Variants in MACROD2 observed in about 807,000 individuals in gnomAD.
The protein encoded by MACROD2 is ADP-ribose glycohydrolase MACROD2.
MACROD2 carries 36 observed loss-of-function variants against 70.4 expected under a neutral mutation model. The ratio of observed to expected loss-of-function variants is 0.51; its 90% confidence interval spans 0.39 to 0.68. The LOEUF is 0.68. Among genes scored for constraint, MACROD2 ranks in the 30% least tolerant of loss-of-function variants. The probability of loss-of-function intolerance (pLI) is 0.00; values close to 1 mark genes in which losing one functional copy is unlikely to be tolerated. For missense variants in MACROD2, 496 were observed against 538.4 expected (o/e 0.92, Z 0.78); for synonymous variants, 172 against 178.8 (o/e 0.96, Z 0.30).
chr20:14,996,798 G>A (rs1452134333), intron 5 of MACROD2, among the ~76,000 whole-genome samples: 2 of 152,282 alleles, frequency 1.3e-5, no homozygotes, highest in East Asian at 1.9e-4. Context: ...TGGAGGGAGC[G>A]TTTAGATCAG....
chr20:15,904,874 C>G (rs1463821595), intron 10 of MACROD2, among the ~76,000 whole-genome samples: 2 of 123,230 alleles, frequency 1.6e-5, no homozygotes, highest in Non-Finnish European at 3.2e-5. Flanking sequence ...GAGAGAGACT[C>G]TGTCTCAAAA....
chr20:15,430,919 T>C (rs1465109650), intron 6 of MACROD2, among the ~76,000 whole-genome samples: 1 of 152,022 alleles, frequency 6.6e-6, no homozygotes, highest in African/African-American at 2.4e-5. Context: ...TGAATGTTAA[T>C]TGATGTTTTC....
At chr20:15,778,431 A>G (rs1033082962) in intron 8 of MACROD2, among the ~76,000 whole-genome samples, 6 of 152,106 alleles carry the variant, frequency 3.9e-5, no homozygotes, top group African/African-American at 1.4e-4. Flanking sequence ...TTTAAATTCT[A>G]TTCATAAGCG....
rs2054067420 is a variant in MACROD2, at chr20:14,085,629, A to C, written c.172A>C (p.Thr58Pro). The C allele has an allele frequency of 6.4e-7, 1 of 1,554,684 alleles. No individual in the cohort carries two copies. The highest frequency in any genetic ancestry group is 2.3e-5 in the East Asian group (1 of 43,630). Residue 58 changes from threonine to proline, a missense_variant, in exon 3 of 18, where the codon ACT (threonine) becomes CCT (proline). By Grantham distance (38) the Thr-to-Pro change is conservative. Transcript: ENST00000684519. ...KGKGQNDEEN[T>P]QETSQVKKSL... Reference sequence around the variant, plus strand: ...TCCATTTTCTATTACAGAAGAAAATACTCAGGAAACATCCCAGGTGAAGAA... The same window carrying C: ...TCCATTTTCTATTACAGAAGAAAATCCTCAGGAAACATCCCAGGTGAAGAA...
chr20:14,897,351 T>A (rs925268558), intron 5 of MACROD2, among the ~76,000 whole-genome samples: 10 of 152,228 alleles, frequency 6.6e-5, no homozygotes, highest in East Asian at 1.9e-4. Flanking sequence ...TTAAAAAAAA[T>A]TTCCTGTCAA....
intron 7 of MACROD2, among the ~76,000 whole-genome samples, chr20:15,490,233 CTCCCTTCCCTTCCCT>C (rs199942986): frequency 2.6e-5 from 3 of 114,320 alleles, no homozygotes; most frequent in East Asian, 2.8e-4. Context: ...CCCTTCCTTC[CTCCCTTCCCTTCCCT>C]TCCCTTCCCT....
chr20:14,617,496 A>G (rs1345486635), intron 4 of MACROD2, among the ~76,000 whole-genome samples: 1 of 152,104 alleles, frequency 6.6e-6, no homozygotes, highest in Non-Finnish European at 1.5e-5. Context: ...TTCTCTATGT[A>G]TTAGGAAAGA....
At chr20:14,125,188 A>G (rs1285852692) in intron 3 of MACROD2, among the ~76,000 whole-genome samples, 1 of 152,166 alleles carries the variant, frequency 6.6e-6, no homozygotes, top group East Asian at 1.9e-4. Flanking sequence ...TATGAGATTT[A>G]ATGGATCTGA....
intron 8 of MACROD2, among the ~76,000 whole-genome samples, chr20:15,793,229 T>C (rs2063641948): frequency 6.6e-6 from 1 of 152,160 alleles, no homozygotes; most frequent in East Asian, 1.9e-4. Flanking sequence ...CAGATTTCAG[T>C]GTGCATCACA....
At chr20:14,270,027 C>T (rs2082177966) in intron 3 of MACROD2, among the ~76,000 whole-genome samples, 1 of 151,844 alleles carries the variant, frequency 6.6e-6, no homozygotes, top group Non-Finnish European at 1.5e-5. Flanking sequence ...GTATTATATT[C>T]AATAAAGAAA....
At chr20:15,971,586 G>A (rs912596480) in intron 13 of MACROD2, among the ~76,000 whole-genome samples, 1 of 152,056 alleles carries the variant, frequency 6.6e-6, no homozygotes, top group East Asian at 1.9e-4. Flanking sequence ...ATAGCAGCAT[G>A]AAAATAGACT....
At chr20:15,025,695 G>C (rs1412948987) in intron 5 of MACROD2, among the ~76,000 whole-genome samples, 1 of 152,084 alleles carries the variant, frequency 6.6e-6, no homozygotes, top group Non-Finnish European at 1.5e-5. Context: ...ATGATTCTTT[G>C]GTCTGGAGTA....
At position 14,100,738 on chromosome 20, in the gene MACROD2, AATATAAT is replaced by A. The variant is rs1179319919; in HGVS notation, c.271+15024_271+15030del. On this transcript the variant is annotated intron_variant, in intron 3 of 17. Coordinates refer to ENST00000684519, the MANE Select transcript of MACROD2 (RefSeq NM_001351661.2). ...TATACATTTATATATAATATATATA[AATATAAT>A]ATATAATATATAAAAATATAATCTA... 7.2e-3 allele frequency among the ~76,000 whole-genome samples: 968 copies of A among 135,182 alleles called. 11 individuals carry two copies. Among genetic ancestry groups the A allele is most frequent in the African/African-American group, 0.025 (923 of 37,370 alleles). 88.7% of individuals were successfully genotyped at this position (135,182 alleles called of 152,430 possible).
chr20:15,825,069 A>G (rs1411915941), intron 8 of MACROD2, among the ~76,000 whole-genome samples: 1 of 152,182 alleles, frequency 6.6e-6, no homozygotes, highest in Non-Finnish European at 1.5e-5. Context: ...ACAAGTGCCA[A>G]TCTTTGACAA....
At chr20:14,138,574 A>G (rs1569175625) in intron 3 of MACROD2, among the ~76,000 whole-genome samples, 1 of 152,190 alleles carries the variant, frequency 6.6e-6, no homozygotes. Flanking sequence ...ATTTTAGAGC[A>G]TGCAATTTAG....
chr20:14,387,705 C>G (rs1474517723), intron 3 of MACROD2, among the ~76,000 whole-genome samples: 1 of 152,218 alleles, frequency 6.6e-6, no homozygotes, highest in Non-Finnish European at 1.5e-5. Context: ...CTATGGCTGC[C>G]AGCTTGGAGC....
rs373255841 is a variant in MACROD2 at position 15,186,803 on chromosome 20, G to A, written c.419-43137G>A. Reference sequence around the variant, plus strand: ...TCCCATGGAAGTCTCAGGTATTTTTGTGTCACACTCCACTTGCGGATATCT... The same window carrying A: ...TCCCATGGAAGTCTCAGGTATTTTTATGTCACACTCCACTTGCGGATATCT... On this transcript the variant is annotated intron_variant, in intron 5 of 17. Transcript: ENST00000684519. Among the ~76,000 whole-genome samples the A allele has an allele frequency of 1.6e-4, 25 of 152,244 alleles. No individual in the cohort carries two copies. In the East Asian group the frequency reaches 2.9e-3, roughly 18 times the overall value.
At chr20:14,489,478 G>T (rs952139176) in intron 3 of MACROD2, among the ~76,000 whole-genome samples, 1 of 152,170 alleles carries the variant, frequency 6.6e-6, no homozygotes, top group Non-Finnish European at 1.5e-5. Flanking sequence ...CTGAAAGGTG[G>T]TATTTCAGCT....
intron 8 of MACROD2, among the ~76,000 whole-genome samples, chr20:15,721,579 GATTT>G (rs1307048349): frequency 6.6e-6 from 1 of 151,938 alleles, no homozygotes; most frequent in East Asian, 1.9e-4. Context: ...CATTTTGATT[GATTT>G]ATTTTAGAAT....
Sources: allele counts gnomAD v4.1 joint callset (sites outside exome capture counted in the v4.1 genomes callset), GRCh38; gene constraint gnomAD v4.1.1; transcripts MANE v1.5; gene names NCBI Gene and HGNC (gene_info 2026-07-23, HGNC 2026-07-21).